STAB2: variants seen among roughly 807,000 people sequenced by gnomAD.
STAB2 encodes stabilin 2.
STAB2 carries 288 observed loss-of-function variants against 338.1 expected under a neutral mutation model. That is an observed-to-expected ratio of 0.85 (90% CI 0.77 to 0.94). The LOEUF (loss-of-function observed/expected upper bound fraction) is 0.94, where lower values mean the gene tolerates loss of function less well. Among genes scored for constraint, STAB2 ranks in the 40% least tolerant of loss-of-function variants. The pLI is 0.00. For synonymous variants in STAB2, 1,202 were observed against 1,193.3 expected, an observed-to-expected ratio of 1.01 and a Z score of -0.15; for missense variants, 3,141 against 3,210.1, an observed-to-expected ratio of 0.98 and a Z score of 0.52.
chr12:103,748,658 A>G (rs186773579), intron 58 of STAB2, among the ~76,000 whole-genome samples: 1 of 141,868 alleles, frequency 7.0e-6, no homozygotes, highest in East Asian at 2.0e-4. Context: ...ACACACACAC[A>G]CTGTCCTAAC....
chr12:103,704,609 T>C lies in STAB2; in HGVS notation c.3895T>C (p.Ser1299Pro). Reference protein sequence around the residue: ...SELTCPFGTKSLGNEKRRCIY... With the variant: ...SELTCPFGTKPLGNEKRRCIY... Reference sequence around the variant, plus strand: ...GCTGACCTGCCCATTCGGAACTAAATCTCTAGTAAGTACTTTGTCTGTTTT... The same window carrying C: ...GCTGACCTGCCCATTCGGAACTAAACCTCTAGTAAGTACTTTGTCTGTTTT... The change falls in exon 36 of 69, where the codon TCT becomes CCT. Residue 1299 changes from serine to proline, a missense_variant. Ser to Pro is a moderately conservative substitution (Grantham distance 74). Coordinates refer to ENST00000388887, the MANE Select transcript of STAB2 (RefSeq NM_017564.10). The C allele has an allele frequency of 4.3e-6, 7 of 1,613,846 alleles. No individual in the cohort carries two copies. Among genetic ancestry groups the C allele is most frequent in the Non-Finnish European group, 5.9e-6 (7 of 1,179,894 alleles).
chr12:103,590,776 C>A, intron 1 of STAB2, 121 bp from the exon 2 acceptor site: 1 of 1,191,510 alleles, frequency 8.4e-7, no homozygotes, highest in Non-Finnish European at 1.2e-6. Flanking sequence ...AACCTTATCA[C>A]CATCCCTGAC....
intron 39 of STAB2, among the ~76,000 whole-genome samples, chr12:103,710,309 A>C (rs1476922877): frequency 6.6e-6 from 1 of 152,210 alleles, no homozygotes; most frequent in East Asian, 1.9e-4. Context: ...TCTCCAGTGC[A>C]CATTCTACAC....
At position 103,668,561 on chromosome 12, in the gene STAB2, G is replaced by A. The variant is rs553644966; in HGVS notation, c.2086-82G>A. On this transcript the variant is annotated intron_variant, in intron 19 of 68. Coordinates refer to ENST00000388887, the MANE Select transcript of STAB2 (RefSeq NM_017564.10). ...TCAGTGGTGAAATGGAAGTACAATGGCAAGTGTCTGCAGAGGGTGTGCAGT... is the reference window on the plus strand; with the variant it reads ...TCAGTGGTGAAATGGAAGTACAATGACAAGTGTCTGCAGAGGGTGTGCAGT... 10 of 1,236,118 alleles carry A rather than the reference G, an allele frequency of 8.1e-6. No homozygotes were observed. In the Admixed American group the frequency reaches 9.9e-5, roughly 12 times the overall value. 76.6% of individuals were successfully genotyped at this position (1,236,118 alleles called of 1,614,324 possible). A position where few individuals can be genotyped will look rare whatever the true frequency, so the allele number is the denominator to read the frequency against.
chr12:103,624,718 C>T (rs1206253609), intron 5 of STAB2, among the ~76,000 whole-genome samples: 2 of 152,036 alleles, frequency 1.3e-5, no homozygotes, highest in East Asian at 1.9e-4. Flanking sequence ...AAGCTGGATC[C>T]GTTGAGGTCA....
chr12:103,742,536 T>C lies in STAB2; in HGVS notation c.6013T>C (p.Phe2005Leu), dbSNP rs1272364802. 3.7e-6 allele frequency: 6 copies of C among 1,614,100 alleles called. No individual in the cohort carries two copies. The highest frequency in any genetic ancestry group is 5.1e-6 in the Non-Finnish European group (6 of 1,180,012). ...TACEMCWPGR[F>L]GPDCLPCGCS... ...GTGTGAGATGTGCTGGCCGGGGAGATTCGGGCCTGATTGTCTGCGTATGTG... is the reference window on the plus strand; with the variant it reads ...GTGTGAGATGTGCTGGCCGGGGAGACTCGGGCCTGATTGTCTGCGTATGTG... Residue 2005 changes from phenylalanine to leucine, a missense_variant, in exon 56 of 69, where the codon TTC becomes CTC. Physicochemically the swap from Phe to Leu is conservative, Grantham distance 22. Coordinates refer to ENST00000388887, the MANE Select transcript of STAB2 (RefSeq NM_017564.10).
intron 15 of STAB2, among the ~76,000 whole-genome samples, chr12:103,657,111 T>C (rs1160158030): frequency 6.6e-6 from 1 of 151,956 alleles, no homozygotes; most frequent in Non-Finnish European, 1.5e-5. Flanking sequence ...CCCAGGGTCT[T>C]CCAAAATAGA....
intron 3 of STAB2, among the ~76,000 whole-genome samples, chr12:103,616,671 G>T (rs1310905775): frequency 6.6e-6 from 1 of 152,232 alleles, no homozygotes; most frequent in East Asian, 1.9e-4. Context: ...AGAGCTCCTT[G>T]TACACCCATT....
Position 103,755,663 on chromosome 12 carries a change from G to A in STAB2, c.6932G>A (p.Ser2311Asn), listed in dbSNP as rs1363962484. The change falls in exon 63 of 69, where the codon AGT (serine) becomes AAT (asparagine). Residue 2311 changes from serine (S) to asparagine (N), a missense_variant. Ser to Asn is a conservative substitution (Grantham distance 46). Coordinates refer to ENST00000388887, the MANE Select transcript of STAB2 (RefSeq NM_017564.10). ...VGYVGDGFSC[S>N]GNLLQVLMSF... is the part of the protein sequence containing the mutation. ...TATGTGGGAGATGGCTTCTCATGCA[G>A]TGGGAACCTGCTGCAGGTCCTGATG... is the stretch of plus-strand genomic sequence containing the variant. The A allele has an allele frequency of 6.2e-7, 1 of 1,614,186 alleles. No individual in the cohort carries two copies. The highest frequency in any genetic ancestry group is 8.5e-7 in the Non-Finnish European group (1 of 1,180,026).
chr12:103,699,040 C>G, intron 33 of STAB2, 56 bp from the exon 34 acceptor site: 1 of 1,556,958 alleles, frequency 6.4e-7, no homozygotes, highest in Non-Finnish European at 8.7e-7. Context: ...ATGGGAGAAG[C>G]TGGGTAACTG....
intron 3 of STAB2, among the ~76,000 whole-genome samples, chr12:103,601,715 A>G (rs959027727): frequency 2.6e-5 from 4 of 152,238 alleles, no homozygotes; most frequent in Non-Finnish European, 5.9e-5. Flanking sequence ...TTTTCTTGCA[A>G]CTATATTAAA....
intron 36 of STAB2, 74 bp from the exon 37 acceptor site, chr12:103,705,558 C>A: frequency 8.0e-7 from 1 of 1,252,092 alleles, no homozygotes; most frequent in Non-Finnish European, 1.2e-6. Flanking sequence ...AATGCATCAC[C>A]CACCTACTTG....
At chr12:103,669,652 A>G (rs1188461288) in intron 21 of STAB2, 25 bp downstream of exon 21, 4 of 1,594,910 alleles carry the variant, frequency 2.5e-6, no homozygotes, top group African/African-American at 1.3e-5. Flanking sequence ...CTGGCCTTCC[A>G]TAAGTCAAAT....
chr12:103,762,374 G>C lies in STAB2; in HGVS notation c.7460G>C (p.Arg2487Pro). The C allele has an allele frequency of 6.2e-7, 1 of 1,614,194 alleles. No homozygotes were observed. The highest frequency in any genetic ancestry group is 8.5e-7 in the Non-Finnish European group (1 of 1,180,044). The change falls in exon 67 of 69, where the codon CGG becomes CCG. Residue 2487 changes from arginine (R) to proline (P), a missense_variant. Physicochemically the swap from Arg to Pro is moderately radical, Grantham distance 103. Transcript: ENST00000388887. ...GCTTACTCCTACTTTCGGATAAACC[G>C]GAGAACAATCGGCTTCCAGCATTTT... ...LAAYSYFRIN[R>P]RTIGFQHFES...
At chr12:103,706,699 C>A in intron 37 of STAB2, 93 bp from the exon 38 acceptor site, 2 of 1,524,454 alleles carry the variant, frequency 1.3e-6, no homozygotes, top group Non-Finnish European at 9.0e-7. Flanking sequence ...GAAACAGGTG[C>A]ACAAGAAGTC....
At chr12:103,764,778 T>C (rs917407935) in intron 68 of STAB2, among the ~76,000 whole-genome samples, 52 of 152,186 alleles carry the variant, frequency 3.4e-4, no homozygotes, top group African/African-American at 1.2e-3. Flanking sequence ...ATCAAACCCA[T>C]GTAAAGGCTT....
intron 5 of STAB2, among the ~76,000 whole-genome samples, chr12:103,627,317 G>A (rs191819574): frequency 6.6e-6 from 1 of 152,270 alleles, no homozygotes; most frequent in East Asian, 1.9e-4. Context: ...TGGAAATGTG[G>A]GTGACAACTG....
At chr12:103,672,672 C>G (rs996570820) in intron 22 of STAB2, among the ~76,000 whole-genome samples, 2 of 152,164 alleles carry the variant, frequency 1.3e-5, no homozygotes, top group East Asian at 3.8e-4. Context: ...CAAGCCCCCC[C>G]AGTCCTTGCC....
At chr12:103,630,759 A>G (rs1957447966) in intron 5 of STAB2, among the ~76,000 whole-genome samples, 1 of 152,264 alleles carries the variant, frequency 6.6e-6, no homozygotes, top group Non-Finnish European at 1.5e-5. Context: ...TCTAGAAGCT[A>G]GAAAAGACAA....
Sources: gnomAD v4.1 joint callset for allele counts (sites outside exome capture counted in the v4.1 genomes callset) on GRCh38, gnomAD v4.1.1 for gene constraint, MANE v1.5 for transcripts, NCBI Gene and HGNC (gene_info 2026-07-23, HGNC 2026-07-21) for gene names.